Variants in FOXN3 observed in about 807,000 individuals in gnomAD.
The protein encoded by FOXN3 is forkhead box protein N3.
Under a neutral mutation model 38.4 loss-of-function variants are expected in FOXN3, and 7 were observed. The ratio of observed to expected loss-of-function variants is 0.18; its 90% CI spans 0.10 to 0.34. The LOEUF (loss-of-function observed/expected upper bound fraction) is 0.34, where lower values mean the gene tolerates loss of function less well. Ranked by LOEUF, FOXN3 falls within the 10% of genes least tolerant of loss-of-function variation. FOXN3 has a pLI of 1.00. For missense variants in FOXN3, 456 were observed against 613.4 expected (o/e 0.74, Z 2.71); for synonymous variants, 230 against 242.2 (o/e 0.95, Z 0.47).
intron 3 of FOXN3, chr14:89,291,700 G>A (rs989521516): frequency 5.3e-6 from 2 of 379,302 alleles, no homozygotes; most frequent in Admixed American, 7.1e-5. Context: ...ATATACTGAA[G>A]TTTCATCACA....
intron 2 of FOXN3, among the ~76,000 whole-genome samples, chr14:89,396,586 G>T (rs1050724998): frequency 6.6e-6 from 1 of 152,200 alleles, no homozygotes; most frequent in Non-Finnish European, 1.5e-5. Flanking sequence ...TGTAATCCCA[G>T]CACTTTGGGA....
At chr14:89,483,187 G>A (rs1218840415) in intron 1 of FOXN3, among the ~76,000 whole-genome samples, 1 of 152,082 alleles carries the variant, frequency 6.6e-6, no homozygotes, top group African/African-American at 2.4e-5. Flanking sequence ...AGCCTGGGAG[G>A]CAGAGTGGGA....
At chr14:89,372,277 C>T (rs1890340838) in intron 2 of FOXN3, among the ~76,000 whole-genome samples, 1 of 152,028 alleles carries the variant, frequency 6.6e-6, no homozygotes, top group Non-Finnish European at 1.5e-5. Flanking sequence ...AATTCATCTT[C>T]CTAAAAAGCA....
At chr14:89,558,309 T>C (rs982642962) in intron 1 of FOXN3, among the ~76,000 whole-genome samples, 1 of 151,912 alleles carries the variant, frequency 6.6e-6, no homozygotes, top group African/African-American at 2.4e-5. Flanking sequence ...AGTCAGAAAA[T>C]AGAATAGCCT....
At chr14:89,177,537 A>AACTGGG (rs1423814365) in intron 5 of FOXN3, among the ~76,000 whole-genome samples, 1 of 150,932 alleles carries the variant, frequency 6.6e-6, no homozygotes, top group Non-Finnish European at 1.5e-5. Context: ...CTGTTTCCCA[A>AACTGGG]ACTGGGGCTG....
intron 4 of FOXN3, among the ~76,000 whole-genome samples, chr14:89,237,047 C>T (rs779813582): frequency 2.0e-5 from 3 of 152,064 alleles, no homozygotes; most frequent in Non-Finnish European, 4.4e-5. Context: ...CCCTCTGACA[C>T]ATGATCATTT....
At chr14:89,511,484 AGGGTTTC>A (rs1316074838) in intron 1 of FOXN3, among the ~76,000 whole-genome samples, 5 of 151,650 alleles carry the variant, frequency 3.3e-5, no homozygotes, top group Non-Finnish European at 5.9e-5. Context: ...TTGTAGAGAT[AGGGTTTC>A]ACTGTGTTGC....
intron 4 of FOXN3, among the ~76,000 whole-genome samples, chr14:89,260,371 C>G (rs1025799472): frequency 6.6e-5 from 10 of 152,218 alleles, no homozygotes; most frequent in Non-Finnish European, 1.3e-4. Context: ...CTGGGAGAGC[C>G]CGACCACTGC....
At chr14:89,539,577 C>T (rs1427012963) in intron 1 of FOXN3, among the ~76,000 whole-genome samples, 1 of 152,230 alleles carries the variant, frequency 6.6e-6, no homozygotes, top group Non-Finnish European at 1.5e-5. Flanking sequence ...GTCCTGCTCA[C>T]CACTTACATT....
At chr14:89,609,262 C>T (rs1039721006) in intron 1 of FOXN3, among the ~76,000 whole-genome samples, 10 of 152,052 alleles carry the variant, frequency 6.6e-5, no homozygotes, top group Non-Finnish European at 1.3e-4. Context: ...AGTGTAGTGG[C>T]GCAATCATGG....
chr14:89,485,983 C>G (rs1246215902), intron 1 of FOXN3, among the ~76,000 whole-genome samples: 2 of 152,186 alleles, frequency 1.3e-5, no homozygotes, highest in African/African-American at 2.4e-5. Flanking sequence ...ATCCTCAAAG[C>G]TTCTCCATTC....
intron 2 of FOXN3, among the ~76,000 whole-genome samples, chr14:89,360,097 A>T (rs1019099392): frequency 3.3e-5 from 5 of 152,106 alleles, no homozygotes; most frequent in Non-Finnish European, 7.4e-5. Context: ...GGTTTATTTC[A>T]CTATGAGTGC....
chr14:89,492,887 AG>A (rs1382844260), intron 1 of FOXN3, among the ~76,000 whole-genome samples: 1 of 152,204 alleles, frequency 6.6e-6, no homozygotes, highest in African/African-American at 2.4e-5. Context: ...GGTACATTCC[AG>A]GGTTCAAGTC....
intron 1 of FOXN3, among the ~76,000 whole-genome samples, chr14:89,506,174 AGCTG>A: frequency 1.1e-5 from 1 of 88,394 alleles, no homozygotes; most frequent in Admixed American, 1.2e-4. Context: ...CTGCCCGGCC[AGCTG>A]CCCCGTCCGG....
At chr14:89,394,401 T>C (rs1891050464) in intron 2 of FOXN3, among the ~76,000 whole-genome samples, 1 of 151,956 alleles carries the variant, frequency 6.6e-6, no homozygotes, top group Admixed American at 6.6e-5. Context: ...GAGATGGGGT[T>C]TCGCCATGTT....
chr14:89,551,448 C>T (rs2139863549), intron 1 of FOXN3, among the ~76,000 whole-genome samples: 1 of 152,284 alleles, frequency 6.6e-6, no homozygotes, highest in South Asian at 2.1e-4. Flanking sequence ...ACTTCTCCTT[C>T]CTCCCAACAC....
At chr14:89,591,943 A>G (rs1895963197) in intron 1 of FOXN3, among the ~76,000 whole-genome samples, 1 of 152,216 alleles carries the variant, frequency 6.6e-6, no homozygotes, top group Non-Finnish European at 1.5e-5. Flanking sequence ...ATGAAAAGCC[A>G]GTAAGAAAAA....
At chr14:89,226,915 C>A (rs1012768195) in intron 4 of FOXN3, among the ~76,000 whole-genome samples, 13 of 152,156 alleles carry the variant, frequency 8.5e-5, no homozygotes, top group African/African-American at 2.9e-4. Flanking sequence ...CCAGAGCCTT[C>A]GAGGGGGACA....
intron 4 of FOXN3, among the ~76,000 whole-genome samples, chr14:89,225,077 C>A (rs977757739): frequency 1.3e-4 from 19 of 144,502 alleles, no homozygotes; most frequent in African/African-American, 4.7e-4. Flanking sequence ...TGCAGTGAGC[C>A]GAGATTGTGC....
Sources: gnomAD v4.1 joint callset for allele counts (sites outside exome capture counted in the v4.1 genomes callset) on GRCh38, gnomAD v4.1.1 for gene constraint, MANE v1.5 for transcripts, NCBI Gene and HGNC (gene_info 2026-07-23, HGNC 2026-07-21) for gene names.